PTH2R: variants seen among roughly 807,000 people sequenced by gnomAD.
PTH2R encodes the protein PTH2 receptor.
In PTH2R, 59 loss-of-function variants were observed where a neutral mutation model predicts 60.3. The ratio of observed to expected loss-of-function variants is 0.98; its 90% CI spans 0.79 to 1.22. The LOEUF is 1.22. Among genes scored for constraint, PTH2R ranks in the 50% most tolerant of loss-of-function variants. The pLI is 0.00. For missense variants in PTH2R, 749 were observed against 682.6 expected (o/e 1.10, Z -1.08); for synonymous variants, 256 against 243.8 (o/e 1.05, Z -0.47).
intron 8 of PTH2R, among the ~76,000 whole-genome samples, chr2:208,455,171 T>C (rs535456662): frequency 2.1e-3 from 322 of 152,326 alleles, no homozygotes; most frequent in Non-Finnish European, 4.1e-3. Flanking sequence ...AGATTGCAAA[T>C]CTCAAAGAAA....
At chr2:208,439,631 A>G (rs1702143914) in intron 4 of PTH2R, among the ~76,000 whole-genome samples, 2 of 152,046 alleles carry the variant, frequency 1.3e-5, no homozygotes, top group Non-Finnish European at 1.5e-5. Context: ...CTAAATTTTT[A>G]TATAATTGGC....
At chr2:208,419,136 A>G (rs1028740846) in intron 1 of PTH2R, among the ~76,000 whole-genome samples, 3 of 152,214 alleles carry the variant, frequency 2.0e-5, no homozygotes, top group Non-Finnish European at 1.5e-5. Flanking sequence ...CAGTCCCACC[A>G]ACAGTGTAAA....
intron 1 of PTH2R, among the ~76,000 whole-genome samples, chr2:208,364,959 T>C (rs965741202): frequency 1.3e-5 from 2 of 152,180 alleles, no homozygotes; most frequent in Non-Finnish European, 2.9e-5. Flanking sequence ...TTCAGATGCT[T>C]TCACTATTTG....
chr2:208,420,353 T>G (rs1701730214), intron 1 of PTH2R, among the ~76,000 whole-genome samples: 1 of 152,184 alleles, frequency 6.6e-6, no homozygotes, highest in South Asian at 2.1e-4. Flanking sequence ...TTTTCAATTT[T>G]GCCTATTTCT....
At position 208,377,306 on chromosome 2, in the gene PTH2R, A is replaced by G. The variant is rs534730023; in HGVS notation, c.-259+17069A>G. 1.3e-3 allele frequency among the ~76,000 whole-genome samples: 196 copies of G among 152,184 alleles called. 1 individual carries two copies. The highest frequency in any genetic ancestry group is 4.3e-3 in the African/African-American group (180 of 41,446). ...GACACAGCAACAATCTGATTTCTCT[A>G]TCCTTTCCCCACCTTTCCCCCTTTC... On this transcript the variant is annotated intron_variant, in intron 1 of 12. Coordinates refer to the PTH2R transcript ENST00000617735.
At chr2:208,454,729 T>G (rs1282329493) in intron 8 of PTH2R, among the ~76,000 whole-genome samples, 3 of 152,232 alleles carry the variant, frequency 2.0e-5, no homozygotes, top group African/African-American at 7.2e-5. Context: ...ATGCCAAGCA[T>G]TCTTTTATGT....
intron 9 of PTH2R, among the ~76,000 whole-genome samples, chr2:208,480,264 AG>A (rs1376352162): frequency 6.6e-6 from 1 of 152,212 alleles, no homozygotes; most frequent in Non-Finnish European, 1.5e-5. Flanking sequence ...GGCAGGGACA[AG>A]TGCCTACTGT....
At chr2:208,383,118 G>A (rs1006770391) in intron 1 of PTH2R, among the ~76,000 whole-genome samples, 6 of 152,204 alleles carry the variant, frequency 3.9e-5, no homozygotes, top group Non-Finnish European at 2.9e-5. Context: ...AAACTGTTAT[G>A]TTATCTAGAA....
At chr2:208,363,644 A>G (rs929055065) in intron 1 of PTH2R, among the ~76,000 whole-genome samples, 18 of 152,110 alleles carry the variant, frequency 1.2e-4, no homozygotes, top group Admixed American at 2.6e-4. Flanking sequence ...GCAGTGTCCA[A>G]GTGTTTCCTT....
At chr2:208,449,244 T>A (rs541524314) in intron 7 of PTH2R, among the ~76,000 whole-genome samples, 1 of 152,314 alleles carries the variant, frequency 6.6e-6, no homozygotes, top group African/African-American at 2.4e-5. Context: ...CCCCATTACA[T>A]AGTATCACTT....
intron 1 of PTH2R, among the ~76,000 whole-genome samples, chr2:208,371,600 A>G (rs1479771342): frequency 6.6e-6 from 1 of 152,152 alleles, no homozygotes; most frequent in Non-Finnish European, 1.5e-5. Context: ...TTTCCTCCCA[A>G]CATGACCAAG....
At chr2:208,455,419 G>T (rs1366207891) in intron 8 of PTH2R, among the ~76,000 whole-genome samples, 2 of 152,192 alleles carry the variant, frequency 1.3e-5, no homozygotes, top group African/African-American at 2.4e-5. Flanking sequence ...GACTGAAGCA[G>T]AATTTTGACT....
intron 8 of PTH2R, among the ~76,000 whole-genome samples, chr2:208,458,993 T>C (rs921257606): frequency 1.4e-5 from 2 of 144,066 alleles, no homozygotes; most frequent in Non-Finnish European, 3.1e-5. Context: ...CTGGGTTGAA[T>C]GGTAGTTCTT....
At chr2:208,415,909 G>T (rs1343243710) in intron 1 of PTH2R, among the ~76,000 whole-genome samples, 1 of 152,148 alleles carries the variant, frequency 6.6e-6, no homozygotes, top group East Asian at 1.9e-4. Context: ...ATTGTAGCAG[G>T]CATGAAATGT....
intron 10 of PTH2R, among the ~76,000 whole-genome samples, chr2:208,483,506 G>A (rs1703204267): frequency 6.6e-6 from 1 of 152,146 alleles, no homozygotes; most frequent in East Asian, 1.9e-4. Context: ...GAGAAATTTT[G>A]GAGGGAACAA....
At chr2:208,415,148 T>C (rs188876681) in intron 1 of PTH2R, among the ~76,000 whole-genome samples, 1 of 152,292 alleles carries the variant, frequency 6.6e-6, no homozygotes, top group Non-Finnish European at 1.5e-5. Flanking sequence ...ATTGATTCAT[T>C]AATTATGACA....
At chr2:208,449,624 G>A (rs1702362738) in intron 7 of PTH2R, among the ~76,000 whole-genome samples, 1 of 152,146 alleles carries the variant, frequency 6.6e-6, no homozygotes, top group African/African-American at 2.4e-5. Flanking sequence ...ATAAAATTCA[G>A]TAGTGATATA....
chr2:208,393,896 G>A (rs1383870663), intron 1 of PTH2R, among the ~76,000 whole-genome samples: 1 of 152,184 alleles, frequency 6.6e-6, no homozygotes, highest in East Asian at 1.9e-4. Flanking sequence ...ACTGGAGCTG[G>A]TAGAGCTGGA....
intron 2 of PTH2R, among the ~76,000 whole-genome samples, chr2:208,431,927 A>G (rs1035226275): frequency 6.6e-6 from 1 of 152,228 alleles, no homozygotes. Context: ...TATTTAAAGA[A>G]AGAAGGCTTT....
Sources: gnomAD v4.1 joint callset for allele counts (sites outside exome capture counted in the v4.1 genomes callset) on GRCh38, gnomAD v4.1.1 for gene constraint, MANE v1.5 for transcripts, NCBI Gene and HGNC (gene_info 2026-07-23, HGNC 2026-07-21) for gene names.